The following FMNL3 variants were observed in gnomAD, a reference collection of about 807,000 sequenced individuals.
FMNL3 encodes the protein formin like 3, also known as formin-like protein 3.
A neutral mutation model predicts 119.6 loss-of-function variants in FMNL3; 57 were observed. The observed-to-expected ratio is 0.48, with a 90% CI of 0.39 to 0.59. The LOEUF (loss-of-function observed/expected upper bound fraction) is 0.59. Among genes scored for constraint, FMNL3 ranks in the 20% least tolerant of loss-of-function variants. FMNL3 has a pLI of 0.00. For synonymous variants in FMNL3, 491 were observed against 507.3 expected (o/e 0.97, Z 0.43); for missense variants, 1,053 against 1,323.5 (o/e 0.80, Z 3.17).
At chr12:49,656,036 A>C (rs773586969) in intron 9 of FMNL3, among the ~76,000 whole-genome samples, 7 of 151,924 alleles carry the variant, frequency 4.6e-5, no homozygotes, top group Non-Finnish European at 1.0e-4. Flanking sequence ...TCAGACTCCC[A>C]TCTGGGGAGT....
chr12:49,666,170 A>ATG lies in FMNL3; in HGVS notation c.246_247dup (p.Ile83ThrfsTer13). On this transcript the variant is annotated frameshift_variant, in exon 3 of 26. Coordinates refer to ENST00000335154, the MANE Select transcript of FMNL3 (RefSeq NM_175736.5). LOFTEE classifies it high-confidence loss of function. The stretch of plus-strand genomic sequence containing the variant: ...GTCCAAGAAGCTCTGGAGTTTCTGA[A>ATG]TGTAAGTGTGGGGAGGATTCTTCAC... 2.5e-6 allele frequency: 4 copies of ATG among 1,614,092 alleles called. No homozygotes were observed. The highest frequency in any genetic ancestry group is 3.4e-6 in the Non-Finnish European group (4 of 1,179,972).
chr12:49,698,852 C>T (rs538684526), intron 1 of FMNL3, among the ~76,000 whole-genome samples: 1 of 152,322 alleles, frequency 6.6e-6, no homozygotes, highest in South Asian at 2.1e-4. Context: ...ATTCTAGCTG[C>T]CCAGCTCAGT....
Position 49,645,901 on chromosome 12 carries a change from G to A in FMNL3, c.2998C>T (p.Leu1000Phe). The A allele has an allele frequency of 6.2e-7, 1 of 1,612,124 alleles. No individual in the cohort carries two copies. Among genetic ancestry groups the A allele is most frequent in the South Asian group, 1.1e-5 (1 of 90,744 alleles). The change falls in exon 26 of 26, where the codon CTC becomes TTC. Residue 1000 changes from leucine (L) to phenylalanine (F), a missense_variant and splice_region_variant. This residue lies in a region of FMNL3 where 324 missense variants were observed against 380.9 expected (regional missense o/e 0.85). Coordinates refer to ENST00000335154, the MANE Select transcript of FMNL3 (RefSeq NM_175736.5). The stretch of plus-strand genomic sequence containing the variant: ...CGAACAACCATAGGCTGGCAGTGGA[G>A]GCCTGTGGGGGAAGAGAGAGACCTG... ...DGTIEDIITGLHCQPMVVRHQ... is the reference protein window; with the variant it reads ...DGTIEDIITGFHCQPMVVRHQ...
intron 3 of FMNL3, 55 bp from the exon 4 acceptor site, chr12:49,665,963 C>T (rs984346049): frequency 1.3e-6 from 2 of 1,592,558 alleles, no homozygotes; most frequent in Admixed American, 1.7e-5. Flanking sequence ...TAGACTTTCC[C>T]TCCATTACTG....
At chr12:49,662,235 G>A (rs1191014263) in intron 4 of FMNL3, among the ~76,000 whole-genome samples, 186 bp from the exon 5 acceptor site, 2 of 152,210 alleles carry the variant, frequency 1.3e-5, no homozygotes, top group African/African-American at 2.4e-5. Flanking sequence ...AGGGAAGTCA[G>A]GGATGGGGAA....
In FMNL3 at chr12:49,672,435, A is replaced by G. The variant is rs145197720; in HGVS notation, c.127-3881T>C. Reference sequence around the variant, plus strand: ...GGGACCGATTCCTAAATCACAGGGAACCAGCAAAACATCTAATAATAAAAA... The same window carrying G: ...GGGACCGATTCCTAAATCACAGGGAGCCAGCAAAACATCTAATAATAAAAA... On this transcript the variant is annotated intron_variant, in intron 1 of 25. Coordinates refer to ENST00000335154, the MANE Select transcript of FMNL3 (RefSeq NM_175736.5). Among the ~76,000 whole-genome samples the G allele has an allele frequency of 3.3e-3, 496 of 152,304 alleles. 2 individuals are homozygous for G. Among genetic ancestry groups the G allele is most frequent in the South Asian group, 0.019 (90 of 4,826 alleles).
In FMNL3 at chr12:49,698,853, C is replaced by A. The variant is rs552634409; in HGVS notation, c.126+8202G>T. ...AATGGAATGCAGGAATTCTAGCTGC[C>A]CAGCTCAGTTCTATTCTGGAATCCA... is the stretch of plus-strand genomic sequence containing the variant. On this transcript the variant is annotated intron_variant, in intron 1 of 25. Coordinates refer to ENST00000335154, the MANE Select transcript of FMNL3 (RefSeq NM_175736.5). 7.9e-4 allele frequency among the ~76,000 whole-genome samples: 120 copies of A among 152,252 alleles called. 1 individual carries two copies. The highest frequency in any genetic ancestry group is 1.4e-3 in the Non-Finnish European group (97 of 68,010).
intron 17 of FMNL3, 125 bp from the exon 18 acceptor site, chr12:49,650,050 AG>A: frequency 1.3e-6 from 1 of 755,702 alleles, no homozygotes; most frequent in Non-Finnish European, 2.1e-6. Context: ...CCAAAGGCAA[AG>A]GACCCATTGC....
Position 49,647,009 on chromosome 12 carries a change from TC to T in FMNL3, c.2872-1del. On this transcript the variant is annotated splice_acceptor_variant, in intron 24 of 25. Coordinates refer to ENST00000335154, the MANE Select transcript of FMNL3 (RefSeq NM_175736.5). LOFTEE classifies it high-confidence loss of function. This position sits in a 1 kb window ranked among gnomAD's most constrained non-coding sequence, Gnocchi z 4.9. ...TGCCACTTGTTCCGCTGGGATGGGG[TC>T]TAGGGCCAAGAATGTGGAGGGGAAG... 6.2e-7 allele frequency: 1 copy of T among 1,603,330 alleles called. No individual in the cohort carries two copies. Among genetic ancestry groups the T allele is most frequent in the Non-Finnish European group, 8.5e-7 (1 of 1,179,070 alleles).
chr12:49,644,170 A>T lies in FMNL3; in HGVS notation c.*1645T>A. ...GAGAGGCGGCGGCGGACACTCCTAC[A>T]GCAGCTGGATGATCACCAGTGACCC... is the stretch of plus-strand genomic sequence containing the variant. On this transcript the variant is annotated 3_prime_UTR_variant, in exon 26 of 26. Coordinates refer to ENST00000335154, the MANE Select transcript of FMNL3 (RefSeq NM_175736.5). 2 of 1,614,118 alleles carry T rather than the reference A, an allele frequency of 1.2e-6. No individual in the cohort carries two copies. The highest frequency in any genetic ancestry group is 1.7e-6 in the Non-Finnish European group (2 of 1,180,034).
intron 4 of FMNL3, among the ~76,000 whole-genome samples, chr12:49,662,935 G>A (rs1014108654): frequency 6.6e-6 from 1 of 152,180 alleles, no homozygotes; most frequent in Non-Finnish European, 1.5e-5. Flanking sequence ...TACTCCTTCA[G>A]AATTTCTGGG....
At position 49,641,698 on chromosome 12, in the gene FMNL3, C is replaced by G. The variant is rs761587311; in HGVS notation, c.*4117G>C. ...GAGACATCTCCCAACCCCTTCAGCT[C>G]TGTGTGACATCCAAACCAAGGGTAG... On this transcript the variant is annotated 3_prime_UTR_variant, in exon 26 of 26. Coordinates refer to ENST00000335154, the MANE Select transcript of FMNL3 (RefSeq NM_175736.5). 2.4e-4 allele frequency: 139 copies of G among 577,296 alleles called. No homozygotes were observed. Among genetic ancestry groups the G allele is most frequent in the South Asian group, 3.7e-4 (17 of 45,368 alleles). The allele number at this position is 577,296 out of a possible 1,614,324, so 35.8% of individuals were successfully genotyped here. A position where few individuals can be genotyped will look rare whatever the true frequency, so the allele number is the denominator to read the frequency against.
intron 22 of FMNL3, 28 bp downstream of exon 22, chr12:49,648,163 TTG>T (rs1402588128): frequency 6.3e-7 from 1 of 1,598,620 alleles, no homozygotes; most frequent in Non-Finnish European, 8.5e-7. Context: ...TTGGCCCTGG[TTG>T]CTCCCACCGC....
Position 49,653,831 on chromosome 12 carries a change from T to C in FMNL3, c.1115A>G (p.Gln372Arg). Residue 372 changes from glutamine (Q) to arginine (R), a missense_variant, in exon 12 of 26, where the codon CAG (glutamine) becomes CGG (arginine). Physicochemically the swap from Gln to Arg is conservative, Grantham distance 43. Transcript: ENST00000335154. ...ATCAAACACGTTGTCCAGATATGCC[T>C]GAATCTGCACCTGCAGCTTCTCGCT... ...TESEKLQVQI[Q>R]AYLDNVFDVG... The C allele has an allele frequency of 6.2e-7, 1 of 1,614,240 alleles. No individual in the cohort carries two copies. The highest frequency in any genetic ancestry group is 8.5e-7 in the Non-Finnish European group (1 of 1,180,042).
chr12:49,636,885 T>C lies in FMNL3; in HGVS notation c.*8930A>G. The stretch of plus-strand genomic sequence containing the variant: ...TGTCCTTTCTAGATCAGAGCTCAGC[T>C]CTGCCCTAGAGCACAACCTCTTCAC... On this transcript the variant is annotated 3_prime_UTR_variant, in exon 26 of 26. Coordinates refer to ENST00000335154, the MANE Select transcript of FMNL3 (RefSeq NM_175736.5). 6.2e-7 allele frequency: 1 copy of C among 1,612,208 alleles called. No individual in the cohort carries two copies. The highest frequency in any genetic ancestry group is 1.7e-5 in the Admixed American group (1 of 60,010).
Position 49,664,714 on chromosome 12 carries a change from T to C in FMNL3, c.368+1118A>G, listed in dbSNP as rs567447948. On this transcript the variant is annotated intron_variant, in intron 4 of 25. Coordinates refer to ENST00000335154, the MANE Select transcript of FMNL3 (RefSeq NM_175736.5). ...ACTCTGGCCACCAGAGCACAGTTAC[T>C]GAGGCCAGGAACCATCCCTTTCCTG... Among the ~76,000 whole-genome samples, 217 of 152,314 alleles carry C rather than the reference T, an allele frequency of 1.4e-3. 1 individual carries two copies. The highest frequency in any genetic ancestry group is 5.0e-3 in the East Asian group (26 of 5,184).
chr12:49,671,718 A>G (rs1220452997), intron 1 of FMNL3, among the ~76,000 whole-genome samples: 1 of 152,186 alleles, frequency 6.6e-6, no homozygotes, highest in Non-Finnish European at 1.5e-5. Context: ...CAAATTTGAC[A>G]CAGTTCCGGT....
chr12:49,692,034 C>CAA (rs773991970), intron 1 of FMNL3, among the ~76,000 whole-genome samples: 36 of 23,088 alleles, frequency 1.6e-3, no homozygotes, highest in Non-Finnish European at 2.1e-3. Context: ...GACTCCATCT[C>CAA]AAAAAAAAAA....
intron 1 of FMNL3, among the ~76,000 whole-genome samples, chr12:49,684,966 C>A (rs1439925421): frequency 2.6e-5 from 4 of 152,228 alleles, no homozygotes; most frequent in Non-Finnish European, 5.9e-5. Flanking sequence ...AACAAAGATG[C>A]TCTTTCCTGG....
Sources: allele counts gnomAD v4.1 joint callset (sites outside exome capture counted in the v4.1 genomes callset), GRCh38; gene constraint gnomAD v4.1.1; regional missense constraint gnomAD v4.1.1; non-coding constraint Gnocchi (gnomAD v3.1); transcripts MANE v1.5; gene names NCBI Gene and HGNC (gene_info 2026-07-23, HGNC 2026-07-21).